Variants in NXPE2 observed in about 807,000 individuals in gnomAD.
NXPE2 encodes the protein neurexophilin and PC-esterase domain family member 2.
A neutral mutation model predicts 34.4 loss-of-function variants in NXPE2; 34 were observed. That is an observed-to-expected ratio of 0.99 (90% CI 0.75 to 1.31). The LOEUF (loss-of-function observed/expected upper bound fraction) is 1.31, where lower values mean the gene tolerates loss of function less well. Among genes scored for constraint, NXPE2 ranks in the 40% most tolerant of loss-of-function variants. NXPE2 has a pLI of 0.00. For missense variants in NXPE2, 649 were observed against 672.5 expected (o/e 0.97, Z 0.39); for synonymous variants, 235 against 231.3 (o/e 1.02, Z -0.15).
chr11:114,561,775 A>G, the NXPE2 span, among the ~76,000 whole-genome samples: 1 of 152,058 alleles, frequency 6.6e-6, no homozygotes, highest in African/African-American at 2.4e-5. Flanking sequence ...TATCTTCATC[A>G]TGTTTGGCGC....
At chr11:114,756,647 T>G in the NXPE2 span, among the ~76,000 whole-genome samples, 1 of 152,136 alleles carries the variant, frequency 6.6e-6, no homozygotes, top group Non-Finnish European at 1.5e-5. Context: ...AGTGTCCCTC[T>G]CAGAATTCAG....
the NXPE2 span, among the ~76,000 whole-genome samples, chr11:114,751,966 G>A: frequency 6.6e-6 from 1 of 152,168 alleles, no homozygotes; most frequent in East Asian, 1.9e-4. Context: ...AAGAAATATG[G>A]GCAGCCTCTA....
At chr11:114,637,307 A>G in the NXPE2 span, among the ~76,000 whole-genome samples, 1 of 150,810 alleles carries the variant, frequency 6.6e-6, no homozygotes, top group African/African-American at 2.4e-5. Flanking sequence ...TTTGTTTTCC[A>G]TTTGCTTGGT....
At chr11:114,645,814 A>G in the NXPE2 span, among the ~76,000 whole-genome samples, 1 of 152,210 alleles carries the variant, frequency 6.6e-6, no homozygotes, top group Admixed American at 6.5e-5. Flanking sequence ...AATCACAGTG[A>G]CAGATGTCAT....
intron 2 of NXPE2, among the ~76,000 whole-genome samples, chr11:114,682,366 C>G (rs987192712): frequency 4.6e-5 from 7 of 152,174 alleles, no homozygotes; most frequent in African/African-American, 1.7e-4. Context: ...CTTACAATCT[C>G]ATATGCCCAC....
chr11:114,625,980 C>T, the NXPE2 span, among the ~76,000 whole-genome samples: 7 of 143,006 alleles, frequency 4.9e-5, no homozygotes, highest in Admixed American at 2.7e-4. Flanking sequence ...GCTTAAAAAA[C>T]GGCGCACCAG....
At chr11:114,734,866 T>G in the NXPE2 span, among the ~76,000 whole-genome samples, 1 of 152,278 alleles carries the variant, frequency 6.6e-6, no homozygotes, top group Middle Eastern at 3.4e-3. Flanking sequence ...CCCAGCACTT[T>G]GGGAGGCCGA....
chr11:114,575,125 T>A, the NXPE2 span, among the ~76,000 whole-genome samples: 1 of 152,022 alleles, frequency 6.6e-6, no homozygotes, highest in Non-Finnish European at 1.5e-5. Flanking sequence ...AGAAAAAGCA[T>A]TTGAGAAAAT....
the NXPE2 span, among the ~76,000 whole-genome samples, chr11:114,741,758 G>T: frequency 2.6e-5 from 4 of 152,196 alleles, no homozygotes; most frequent in Non-Finnish European, 4.4e-5. Flanking sequence ...GTAGTTCACT[G>T]AGATGTCTTA....
chr11:114,748,608 C>T, the NXPE2 span, among the ~76,000 whole-genome samples: 516 of 152,180 alleles, frequency 3.4e-3, 2 homozygotes, highest in Middle Eastern at 0.01. Flanking sequence ...TTTCATGTTT[C>T]CCCTTTATTA....
At chr11:114,686,046 A>G (rs1951040126) in intron 2 of NXPE2, among the ~76,000 whole-genome samples, 1 of 152,080 alleles carries the variant, frequency 6.6e-6, no homozygotes, top group South Asian at 2.1e-4. Flanking sequence ...GTTTTGCAAG[A>G]TGTTACCATT....
At chr11:114,503,963 G>A in the NXPE2 span, among the ~76,000 whole-genome samples, 1 of 152,192 alleles carries the variant, frequency 6.6e-6, no homozygotes, top group Non-Finnish European at 1.5e-5. Flanking sequence ...AGTCTTGGGG[G>A]GCTCTGGAGG....
chr11:114,762,659 G>C, the NXPE2 span, among the ~76,000 whole-genome samples: 1 of 152,156 alleles, frequency 6.6e-6, no homozygotes, highest in African/African-American at 2.4e-5. Context: ...CTCCCTGCTG[G>C]CACATGACTA....
At chr11:114,673,410 C>G in the NXPE2 span, among the ~76,000 whole-genome samples, 1 of 151,078 alleles carries the variant, frequency 6.6e-6, no homozygotes, top group African/African-American at 2.4e-5. Flanking sequence ...AACTTTTCAC[C>G]TAAGGACACT....
chr11:114,657,749 G>GAT, the NXPE2 span, among the ~76,000 whole-genome samples: 1 of 152,048 alleles, frequency 6.6e-6, no homozygotes, highest in Non-Finnish European at 1.5e-5. Context: ...AAGAAAAAAA[G>GAT]ATATAAGAAC....
chr11:114,698,965 T>C (rs1270020675), intron 3 of NXPE2, among the ~76,000 whole-genome samples, 187 bp downstream of exon 3: 1 of 152,168 alleles, frequency 6.6e-6, no homozygotes, highest in Non-Finnish European at 1.5e-5. Context: ...CTAGAACTAT[T>C]TGCTGACAGG....
At chr11:114,779,630 CCT>C in the NXPE2 span, among the ~76,000 whole-genome samples, 1 of 152,006 alleles carries the variant, frequency 6.6e-6, no homozygotes, top group Non-Finnish European at 1.5e-5. Flanking sequence ...CAGAGGACCC[CCT>C]GAGATGCCCA....
At chr11:114,743,089 G>A in the NXPE2 span, among the ~76,000 whole-genome samples, 2,964 of 122,728 alleles carry the variant, frequency 0.024, 195 homozygotes, top group East Asian at 0.28. Flanking sequence ...AAATATTCAA[G>A]CAACTTAAAC....
At chr11:114,800,913 ATTCAACACAACTTTATAATCTAT>A in the NXPE2 span, among the ~76,000 whole-genome samples, 2 of 152,226 alleles carry the variant, frequency 1.3e-5, no homozygotes, top group African/African-American at 4.8e-5. Context: ...CTGTTACAGC[ATTCAACACAACTTTATAATCTAT>A]TAAGTTCTAA....
Sources: gnomAD v4.1 joint callset for allele counts (sites outside exome capture counted in the v4.1 genomes callset) on GRCh38, gnomAD v4.1.1 for gene constraint, MANE v1.5 for transcripts, NCBI Gene and HGNC (gene_info 2026-07-23, HGNC 2026-07-21) for gene names.